The following HS3ST4 variants were observed in gnomAD, a reference collection of about 807,000 sequenced individuals.
HS3ST4 encodes heparan sulfate-glucosamine 3-sulfotransferase 4, also known as heparan sulfate glucosamine 3-O-sulfotransferase 4.
A neutral mutation model predicts 29.2 loss-of-function variants in HS3ST4; 17 were observed. That is an observed-to-expected ratio of 0.58 (90% confidence interval 0.40 to 0.87). The LOEUF (loss-of-function observed/expected upper bound fraction) is 0.87, where lower values mean the gene tolerates loss of function less well. Ranked by LOEUF, HS3ST4 falls within the 40% of genes least tolerant of loss-of-function variation. HS3ST4 has a pLI of 0.00. For synonymous variants in HS3ST4, 314 were observed against 285.7 expected (o/e 1.10, Z -1.00); for missense variants, 627 against 634.5 (o/e 0.99, Z 0.13).
chr16:25,776,167 G>T (rs533820200), intron 1 of HS3ST4, among the ~76,000 whole-genome samples: 1 of 152,158 alleles, frequency 6.6e-6, no homozygotes, highest in Non-Finnish European at 1.5e-5. Flanking sequence ...GTAGGAACAT[G>T]AGGCGGGTGA....
At chr16:26,092,690 G>C (rs1898871466) in intron 1 of HS3ST4, among the ~76,000 whole-genome samples, 1 of 152,186 alleles carries the variant, frequency 6.6e-6, no homozygotes, top group Admixed American at 6.5e-5. Context: ...GAAGATGGGT[G>C]ATTTCTGCAT....
At chr16:25,971,461 C>T (rs1968896433) in intron 1 of HS3ST4, among the ~76,000 whole-genome samples, 1 of 152,178 alleles carries the variant, frequency 6.6e-6, no homozygotes, top group South Asian at 2.1e-4. Context: ...TAGTAAAATG[C>T]TCTGTCTGGG....
intron 1 of HS3ST4, among the ~76,000 whole-genome samples, chr16:25,751,657 C>G (rs116571323): frequency 0.011 from 1,689 of 152,288 alleles, 27 homozygotes; most frequent in African/African-American, 0.037. Context: ...AAACAGGAAT[C>G]ATATTTGTTA....
intron 1 of HS3ST4, among the ~76,000 whole-genome samples, chr16:26,044,847 G>A (rs1898246039): frequency 6.6e-6 from 1 of 152,144 alleles, no homozygotes; most frequent in South Asian, 2.1e-4. Flanking sequence ...GATACAACCT[G>A]ATGGAAGCTG....
intron 1 of HS3ST4, among the ~76,000 whole-genome samples, chr16:25,737,921 T>C (rs1471767893): frequency 1.3e-5 from 2 of 151,352 alleles, no homozygotes; most frequent in Non-Finnish European, 2.9e-5. Context: ...TTTTTTTTTT[T>C]TTTGGTGGAG....
intron 1 of HS3ST4, among the ~76,000 whole-genome samples, chr16:25,944,064 C>T (rs567230371): frequency 1.3e-5 from 2 of 152,262 alleles, no homozygotes; most frequent in Non-Finnish European, 2.9e-5. Flanking sequence ...TCCTCCTCCC[C>T]TCCCCTCTCT....
At chr16:25,948,539 C>A (rs1004264810) in intron 1 of HS3ST4, among the ~76,000 whole-genome samples, 1 of 152,106 alleles carries the variant, frequency 6.6e-6, no homozygotes, top group Non-Finnish European at 1.5e-5. Flanking sequence ...TATCTCTCAT[C>A]CCCCAAGCTG....
chr16:26,035,687 A>AAAGAT (rs1969576610), intron 1 of HS3ST4, among the ~76,000 whole-genome samples: 1 of 152,182 alleles, frequency 6.6e-6, no homozygotes, highest in Non-Finnish European at 1.5e-5. Context: ...CTTTCATCAG[A>AAAGAT]ACTCTCAAGA....
intron 1 of HS3ST4, among the ~76,000 whole-genome samples, chr16:25,838,198 A>G (rs1967379940): frequency 6.6e-6 from 1 of 152,234 alleles, no homozygotes; most frequent in South Asian, 2.1e-4. Flanking sequence ...TTCAGTCGAT[A>G]TTAACGACTA....
chr16:25,737,955 T>G (rs1596556897), intron 1 of HS3ST4, among the ~76,000 whole-genome samples: 2 of 148,922 alleles, frequency 1.3e-5, no homozygotes, highest in Non-Finnish European at 3.0e-5. Flanking sequence ...CCCAGGCTGG[T>G]GTGCAGTGGA....
intron 1 of HS3ST4, among the ~76,000 whole-genome samples, chr16:25,834,711 C>T (rs546035470): frequency 4.5e-4 from 68 of 152,212 alleles, no homozygotes; most frequent in South Asian, 1.0e-3. Flanking sequence ...TTTAAGAGGC[C>T]GAGGCAGGTG....
At chr16:25,833,587 T>C (rs1967327801) in intron 1 of HS3ST4, among the ~76,000 whole-genome samples, 2 of 152,174 alleles carry the variant, frequency 1.3e-5, no homozygotes, top group African/African-American at 4.8e-5. Context: ...ACTATTGCTC[T>C]ATGAATTGGA....
At chr16:25,904,133 TG>T (rs1968152874) in intron 1 of HS3ST4, among the ~76,000 whole-genome samples, 1 of 115,436 alleles carries the variant, frequency 8.7e-6, no homozygotes, top group African/African-American at 3.9e-5. Flanking sequence ...GATGGATGGA[TG>T]GATGGATGGA....
intron 1 of HS3ST4, among the ~76,000 whole-genome samples, chr16:25,701,182 G>C (rs1364870667): frequency 1.3e-5 from 2 of 152,172 alleles, no homozygotes; most frequent in Non-Finnish European, 2.9e-5. Context: ...ATGGTAAGAA[G>C]CATTCCTAGA....
chr16:26,038,500 G>C (rs908876348), intron 1 of HS3ST4, among the ~76,000 whole-genome samples: 1 of 151,902 alleles, frequency 6.6e-6, no homozygotes, highest in African/African-American at 2.4e-5. Context: ...CACCTAGAAG[G>C]GTCCTGAACT....
At chr16:25,768,133 C>T (rs574750387) in intron 1 of HS3ST4, among the ~76,000 whole-genome samples, 1 of 152,274 alleles carries the variant, frequency 6.6e-6, no homozygotes, top group South Asian at 2.1e-4. Context: ...GAGCAAGATG[C>T]AGAGTTGGGT....
At chr16:26,033,582 G>A (rs975127134) in intron 1 of HS3ST4, among the ~76,000 whole-genome samples, 11 of 151,908 alleles carry the variant, frequency 7.2e-5, no homozygotes, top group Non-Finnish European at 1.5e-4. Context: ...TATTAGCTGG[G>A]TGTGATGGTG....
At chr16:25,828,137 C>T (rs1231146497) in intron 1 of HS3ST4, among the ~76,000 whole-genome samples, 1 of 149,046 alleles carries the variant, frequency 6.7e-6, no homozygotes, top group Admixed American at 6.7e-5. Flanking sequence ...CCCTCCCTCC[C>T]TCCCTCCCTT....
intron 1 of HS3ST4, among the ~76,000 whole-genome samples, chr16:26,006,300 GA>G (rs11461863): frequency 0.029 from 1,970 of 68,588 alleles, 17 homozygotes; most frequent in African/African-American, 0.073. Context: ...CTCTGTTTCA[GA>G]AAAAAAAAAA....
Sources: gnomAD v4.1 joint callset for allele counts (sites outside exome capture counted in the v4.1 genomes callset) on GRCh38, gnomAD v4.1.1 for gene constraint, MANE v1.5 for transcripts, NCBI Gene and HGNC (gene_info 2026-07-23, HGNC 2026-07-21) for gene names.